The following DCC variants were observed in gnomAD, a reference collection of about 807,000 sequenced individuals.
The protein encoded by DCC is DCC netrin 1 receptor.
In DCC, 58 loss-of-function variants were observed where a neutral mutation model predicts 172.5. That is an observed-to-expected ratio of 0.34 (90% CI 0.27 to 0.42). The LOEUF is 0.42. Ranked by LOEUF, DCC falls within the 10% of genes least tolerant of loss-of-function variation. The pLI is 1.00. For synonymous variants in DCC, 709 were observed against 644.5 expected, an observed-to-expected ratio of 1.10 and a Z score of -1.52; for missense variants, 1,740 against 1,791.0, an observed-to-expected ratio of 0.97 and a Z score of 0.51.
chr18:53,460,982 G>A (rs2045551821), intron 24 of DCC, among the ~76,000 whole-genome samples: 2 of 152,182 alleles, frequency 1.3e-5, no homozygotes, highest in African/African-American at 4.8e-5. Flanking sequence ...TCTAACTGGT[G>A]TGAGATGATA....
chr18:53,079,221 C>T (rs1458791697), intron 7 of DCC, among the ~76,000 whole-genome samples: 1 of 152,020 alleles, frequency 6.6e-6, no homozygotes, highest in Non-Finnish European at 1.5e-5. Context: ...GAATTGGTAG[C>T]CTATACATAA....
chr18:53,048,472 G>C (rs1049085612), intron 5 of DCC, among the ~76,000 whole-genome samples: 19 of 148,184 alleles, frequency 1.3e-4, no homozygotes, highest in Non-Finnish European at 2.1e-4. Flanking sequence ...TTTTATGGCT[G>C]TGTAATACTC....
chr18:52,808,198 C>G (rs28714266), intron 2 of DCC, among the ~76,000 whole-genome samples: 73 of 152,290 alleles, frequency 4.8e-4, no homozygotes, highest in African/African-American at 1.6e-3. Context: ...TAGGCACTAT[C>G]TACCTGAATC....
At chr18:52,656,634 A>C (rs546221287) in intron 1 of DCC, among the ~76,000 whole-genome samples, 26 of 152,304 alleles carry the variant, frequency 1.7e-4, no homozygotes, top group African/African-American at 6.0e-4. Context: ...CTTGGCCAAC[A>C]GTGAGACTTG....
intron 3 of DCC, among the ~76,000 whole-genome samples, chr18:52,914,951 C>T (rs564697511): frequency 5.8e-4 from 88 of 152,088 alleles, no homozygotes; most frequent in Non-Finnish European, 1.0e-3. Context: ...TTTGATATTC[C>T]ATGGAGGCAG....
rs193074771 is a variant in DCC, at chr18:53,405,247, A to C, written c.2935+2354A>C. 1.3e-3 allele frequency among the ~76,000 whole-genome samples: 195 copies of C among 151,600 alleles called. 1 individual carries two copies. The highest frequency in any genetic ancestry group is 7.9e-3 in the South Asian group (38 of 4,792). On this transcript the variant is annotated intron_variant, in intron 19 of 28. Coordinates refer to ENST00000442544, the MANE Select transcript of DCC (RefSeq NM_005215.4). ...CAGTGCGACCAGGTAGATGTGTGCCAAGGAGGGATGTGCTCTCATGTAACC... is the reference window on the plus strand; with the variant it reads ...CAGTGCGACCAGGTAGATGTGTGCCCAGGAGGGATGTGCTCTCATGTAACC...
intron 1 of DCC, among the ~76,000 whole-genome samples, chr18:52,526,073 T>C (rs2031971688): frequency 6.6e-6 from 1 of 152,240 alleles, no homozygotes; most frequent in Non-Finnish European, 1.5e-5. Flanking sequence ...TCTTCTTTTC[T>C]AAAAGTTTCA....
chr18:53,136,843 A>T (rs1446887932), intron 7 of DCC, among the ~76,000 whole-genome samples: 3 of 152,316 alleles, frequency 2.0e-5, no homozygotes, highest in African/African-American at 7.2e-5. Context: ...ATTACCACAA[A>T]TTTTCCATGT....
At chr18:53,438,926 C>A (rs1912106166) in intron 22 of DCC, among the ~76,000 whole-genome samples, 1 of 152,188 alleles carries the variant, frequency 6.6e-6, no homozygotes, top group South Asian at 2.1e-4. Context: ...AGCTTTGAAG[C>A]AGTTTAGATG....
intron 2 of DCC, among the ~76,000 whole-genome samples, chr18:52,799,253 TTA>T (rs1288648300): frequency 6.6e-6 from 1 of 152,200 alleles, no homozygotes; most frequent in Non-Finnish European, 1.5e-5. Context: ...ATGAAGTTGT[TTA>T]TGTTGTCCTG....
At chr18:53,523,054 TAAAC>T (rs995953112) in intron 27 of DCC, among the ~76,000 whole-genome samples, 1 of 152,006 alleles carries the variant, frequency 6.6e-6, no homozygotes, top group Non-Finnish European at 1.5e-5. Flanking sequence ...ACAAAGAACT[TAAAC>T]AAATTTACAT....
chr18:52,720,350 T>A (rs1271332470), intron 1 of DCC, among the ~76,000 whole-genome samples: 1 of 152,224 alleles, frequency 6.6e-6, no homozygotes, highest in Non-Finnish European at 1.5e-5. Flanking sequence ...TGTTGTTAAA[T>A]TTTTGAAATT....
At chr18:53,180,849 G>A (rs2055184407) in intron 9 of DCC, among the ~76,000 whole-genome samples, 1 of 152,040 alleles carries the variant, frequency 6.6e-6, no homozygotes, top group African/African-American at 2.4e-5. Context: ...CTGACCTCAA[G>A]TGATCCCCCT....
At chr18:52,952,305 AAAATG>A (rs1257281201) in intron 5 of DCC, among the ~76,000 whole-genome samples, 3 of 152,230 alleles carry the variant, frequency 2.0e-5, no homozygotes, top group African/African-American at 4.8e-5. Context: ...AGCAGTATCT[AAAATG>A]AAATGTAAAC....
At chr18:52,631,993 A>G (rs1284100921) in intron 1 of DCC, among the ~76,000 whole-genome samples, 4 of 152,146 alleles carry the variant, frequency 2.6e-5, no homozygotes, top group Admixed American at 2.0e-4. Context: ...AAGCCTTCGC[A>G]TGTACAATTT....
intron 12 of DCC, among the ~76,000 whole-genome samples, chr18:53,283,143 G>A (rs2056893178): frequency 6.6e-6 from 1 of 152,148 alleles, no homozygotes; most frequent in African/African-American, 2.4e-5. Flanking sequence ...AAGCGTTTCA[G>A]TATTTCTTAT....
At chr18:53,288,908 A>G (rs940356043) in intron 12 of DCC, among the ~76,000 whole-genome samples, 1 of 152,090 alleles carries the variant, frequency 6.6e-6, no homozygotes, top group African/African-American at 2.4e-5. Context: ...TGAGTCTGTG[A>G]TTTTTAATTG....
intron 1 of DCC, among the ~76,000 whole-genome samples, chr18:52,376,507 G>GTA (rs796876229): frequency 6.6e-6 from 1 of 151,502 alleles, no homozygotes; most frequent in East Asian, 1.9e-4. Flanking sequence ...GTGTGTGTGT[G>GTA]TATATGTGTG....
chr18:52,465,556 TG>T (rs1988760930), intron 1 of DCC, among the ~76,000 whole-genome samples: 2 of 152,116 alleles, frequency 1.3e-5, no homozygotes, highest in South Asian at 4.1e-4. Context: ...GACTTGGACT[TG>T]GGCTTCACAA....
Sources: gnomAD v4.1 joint callset for allele counts (sites outside exome capture counted in the v4.1 genomes callset) on GRCh38, gnomAD v4.1.1 for gene constraint, MANE v1.5 for transcripts, NCBI Gene and HGNC (gene_info 2026-07-23, HGNC 2026-07-21) for gene names.